RGL1: variants seen among roughly 807,000 people sequenced by gnomAD.
RGL1 encodes ral guanine nucleotide dissociation stimulator-like 1.
A neutral mutation model predicts 95.2 loss-of-function variants in RGL1; 24 were observed. The ratio of observed to expected loss-of-function variants is 0.25; its 90% CI spans 0.18 to 0.35. The LOEUF (loss-of-function observed/expected upper bound fraction) is 0.35. Ranked by LOEUF, RGL1 falls within the 10% of genes least tolerant of loss-of-function variation. RGL1 has a pLI of 1.00. For synonymous variants in RGL1, 329 were observed against 344.9 expected (o/e 0.95, Z 0.51); for missense variants, 715 against 936.3 (o/e 0.76, Z 3.08).
At chr1:183,899,358 C>T (rs990073772) in intron 10 of RGL1, among the ~76,000 whole-genome samples, 4 of 152,222 alleles carry the variant, frequency 2.6e-5, no homozygotes, top group Non-Finnish European at 4.4e-5. Flanking sequence ...CCTGTCTCTT[C>T]AGGTCTACGA....
Position 183,928,172 on chromosome 1 carries a change from A to T in RGL1, c.*1880A>T, listed in dbSNP as rs567585998. On this transcript the variant is annotated 3_prime_UTR_variant, in exon 18 of 18. Transcript: ENST00000360851. Reference sequence around the variant, plus strand: ...ATTCTTGGTGCGAAGGTAAAAAAAAAAAAATAAATAAAACCATTGGCCTGG... The same window carrying T: ...ATTCTTGGTGCGAAGGTAAAAAAAATAAAATAAATAAAACCATTGGCCTGG... 2 of 152,338 alleles carry T rather than the reference A, an allele frequency of 1.3e-5. No individual in the cohort carries two copies. The highest frequency in any genetic ancestry group is 4.8e-5 in the African/African-American group (2 of 41,354). 9.4% of individuals were successfully genotyped at this position (152,338 alleles called of 1,614,324 possible).
chr1:183,677,258 T>C (rs1018898919), intron 1 of RGL1, among the ~76,000 whole-genome samples: 3 of 151,424 alleles, frequency 2.0e-5, no homozygotes, highest in Non-Finnish European at 4.4e-5. Flanking sequence ...CTTCTCTCAC[T>C]AAATATTTAA....
At chr1:183,659,638 G>A (rs1362631860) in intron 1 of RGL1, among the ~76,000 whole-genome samples, 12 of 151,552 alleles carry the variant, frequency 7.9e-5, no homozygotes, top group Non-Finnish European at 1.5e-4. Context: ...ACTCTGCAGG[G>A]TATTATCCAG....
rs1669620885 is a variant in RGL1, at chr1:183,926,424, G to A, written c.*132G>A. 1.4e-6 allele frequency: 1 copy of A among 710,316 alleles called. No homozygotes were observed. Among genetic ancestry groups the A allele is most frequent in the Non-Finnish European group, 2.3e-6 (1 of 442,118 alleles). The allele number at this position is 710,316 out of a possible 1,614,324, so 44.0% of individuals were successfully genotyped here. ...AGCAGATATTTATTGAGTTCCTGTG[G>A]TGTGCAAAGCATTATGATAGGCACC... On this transcript the variant is annotated 3_prime_UTR_variant, in exon 18 of 18. Transcript: ENST00000360851.
chr1:183,682,996 CT>C (rs199767393), intron 1 of RGL1, among the ~76,000 whole-genome samples: 12,136 of 144,802 alleles, frequency 0.084, 749 homozygotes, highest in African/African-American at 0.2. Flanking sequence ...GCAACCCCTT[CT>C]TTTTTTTTTT....
At chr1:183,925,430 T>C (rs1036023684) in intron 17 of RGL1, among the ~76,000 whole-genome samples, 1 of 152,218 alleles carries the variant, frequency 6.6e-6, no homozygotes, top group Non-Finnish European at 1.5e-5. Flanking sequence ...GCAGCACATG[T>C]ATACCTATGT....
Position 183,873,670 on chromosome 1 carries a change from A to G in RGL1, c.426-6946A>G, listed in dbSNP as rs538524179. ...ACTAGATTACAATATCATTGTTGTGACTAATGTTTTAGATTGTTATTATTC... is the reference window on the plus strand; with the variant it reads ...ACTAGATTACAATATCATTGTTGTGGCTAATGTTTTAGATTGTTATTATTC... On this transcript the variant is annotated intron_variant, in intron 4 of 17. Coordinates refer to ENST00000360851, the MANE Select transcript of RGL1 (RefSeq NM_001297671.3). Among the ~76,000 whole-genome samples, 3 of 152,288 alleles carry G rather than the reference A, an allele frequency of 2.0e-5. No individual in the cohort carries two copies. In the South Asian group the frequency reaches 6.2e-4, roughly 32 times the overall value.
At chr1:183,906,904 T>TTGAA (rs1668362765) in intron 13 of RGL1, 108 bp from the exon 14 acceptor site, 1 of 712,258 alleles carries the variant, frequency 1.4e-6, no homozygotes, top group African/African-American at 1.8e-5. Flanking sequence ...TATCTTTACT[T>TTGAA]TGAACAATTA....
chr1:183,639,821 A>G (rs1220810646), intron 1 of RGL1, among the ~76,000 whole-genome samples: 2 of 151,710 alleles, frequency 1.3e-5, no homozygotes, highest in African/African-American at 4.8e-5. Flanking sequence ...CAAAGAAGGG[A>G]GGATAAAGGG....
intron 2 of RGL1, among the ~76,000 whole-genome samples, chr1:183,822,004 A>C (rs1024847103): frequency 6.6e-6 from 1 of 152,128 alleles, no homozygotes; most frequent in African/African-American, 2.4e-5. Context: ...GACAGAAAAC[A>C]TGTCCTTACA....
intron 2 of RGL1, among the ~76,000 whole-genome samples, chr1:183,810,020 G>A (rs1661602155): frequency 6.6e-6 from 1 of 152,140 alleles, no homozygotes; most frequent in Admixed American, 6.6e-5. Flanking sequence ...AGAGCAAAGT[G>A]TCAAAACTTG....
At chr1:183,917,037 G>C (rs957390564) in intron 16 of RGL1, among the ~76,000 whole-genome samples, 3 of 152,142 alleles carry the variant, frequency 2.0e-5, no homozygotes, top group Non-Finnish European at 4.4e-5. Context: ...ATGTGCTCCA[G>C]GGAGGATGAC....
chr1:183,804,357 T>TA (rs908857965), upstream of RGL1, among the ~76,000 whole-genome samples: 41 of 152,282 alleles, frequency 2.7e-4, no homozygotes, highest in Non-Finnish European at 5.0e-4. Context: ...AAACTGGATC[T>TA]AAAAAAATGT....
chr1:183,775,490 T>A (rs1659544554), intron 2 of RGL1, among the ~76,000 whole-genome samples: 1 of 152,372 alleles, frequency 6.6e-6, no homozygotes, highest in South Asian at 2.1e-4. Context: ...GCACATTCTC[T>A]GGCTCAAGTA....
chr1:183,760,580 A>C (rs1054817358), intron 2 of RGL1, among the ~76,000 whole-genome samples: 6 of 148,844 alleles, frequency 4.0e-5, no homozygotes, highest in East Asian at 4.0e-4. Context: ...AAAAAAAAAA[A>C]AAAAAAAAAA....
intron 4 of RGL1, among the ~76,000 whole-genome samples, chr1:183,873,892 T>C (rs1259269806): frequency 6.6e-6 from 1 of 152,210 alleles, no homozygotes; most frequent in Non-Finnish European, 1.5e-5. Context: ...GAGAACCTGC[T>C]TCCTGTTCCT....
chr1:183,698,201 C>T (rs1654363591), intron 1 of RGL1, among the ~76,000 whole-genome samples: 1 of 152,218 alleles, frequency 6.6e-6, no homozygotes, highest in Non-Finnish European at 1.5e-5. Context: ...GACAGAGAAC[C>T]AATTTGTTAA....
At chr1:183,835,670 T>A (rs1663597802) in intron 2 of RGL1, among the ~76,000 whole-genome samples, 1 of 152,212 alleles carries the variant, frequency 6.6e-6, no homozygotes, top group Non-Finnish European at 1.5e-5. Flanking sequence ...TCAGTCAGTG[T>A]CAAGAGGTAA....
chr1:183,662,560 G>C (rs1008544935), intron 1 of RGL1, among the ~76,000 whole-genome samples: 9 of 152,282 alleles, frequency 5.9e-5, no homozygotes, highest in Admixed American at 1.3e-4. Flanking sequence ...TGAAATAAAA[G>C]AGGATACAAA....
Sources: gnomAD v4.1 joint callset for allele counts (sites outside exome capture counted in the v4.1 genomes callset) on GRCh38, gnomAD v4.1.1 for gene constraint, MANE v1.5 for transcripts, NCBI Gene and HGNC (gene_info 2026-07-23, HGNC 2026-07-21) for gene names.